The following E2F8 variants were observed in gnomAD, a reference collection of about 807,000 sequenced individuals.
The protein encoded by E2F8 is transcription factor E2F8.
In E2F8, 35 loss-of-function variants were observed where a neutral mutation model predicts 80.8. The ratio of observed to expected loss-of-function variants is 0.43; its 90% CI spans 0.33 to 0.57. The LOEUF (loss-of-function observed/expected upper bound fraction) is 0.57, where lower values mean the gene tolerates loss of function less well. Among genes scored for constraint, E2F8 ranks in the 20% least tolerant of loss-of-function variants. The pLI is 0.04. For synonymous variants in E2F8, 386 were observed against 395.0 expected, an observed-to-expected ratio of 0.98 and a Z score of 0.27; for missense variants, 975 against 1,056.2, an observed-to-expected ratio of 0.92 and a Z score of 1.07.
Position 19,224,669 on chromosome 11 carries a change from C to T in E2F8, c.2593G>A (p.Asp865Asn). Residue 865 changes from aspartate (D) to asparagine (N), a missense_variant, in exon 13 of 13, where the codon GAT becomes AAT. Transcript: ENST00000250024. ...CCAACATCTGTTGATTAATGGACATCCTCTGTTGAGACTTCCAGTTTTCGC... is the reference window on the plus strand; with the variant it reads ...CCAACATCTGTTGATTAATGGACATTCTCTGTTGAGACTTCCAGTTTTCGC... ...PQRKLEVSTEDVH is the reference protein window; with the variant it reads ...PQRKLEVSTENVH 1 of 1,614,058 alleles carries T rather than the reference C, an allele frequency of 6.2e-7. No homozygotes were observed. Among genetic ancestry groups the T allele is most frequent in the South Asian group, 1.1e-5 (1 of 91,066 alleles).
rs1401468659 is a variant in E2F8 at position 19,224,453 on chromosome 11, A to G, written c.*205T>C. Reference sequence around the variant, plus strand: ...TTTTGTAGGATTGAAAGCTAAACTTAGCTTTATACAAATATATGTGTGTGT... The same window carrying G: ...TTTTGTAGGATTGAAAGCTAAACTTGGCTTTATACAAATATATGTGTGTGT... On this transcript the variant is annotated 3_prime_UTR_variant, in exon 13 of 13. Coordinates refer to ENST00000250024, the MANE Select transcript of E2F8 (RefSeq NM_024680.4). 2.2e-5 allele frequency: 10 copies of G among 453,890 alleles called. No individual in the cohort carries two copies. The highest frequency in any genetic ancestry group is 3.9e-5 in the Admixed American group (1 of 25,592). The allele number at this position is 453,890 out of a possible 1,614,324, so 28.1% of individuals were successfully genotyped here.
rs745558360 is a variant in E2F8 at position 19,224,807 on chromosome 11, C to G, written c.2455G>C (p.Val819Leu). Residue 819 changes from valine to leucine, a missense_variant, in exon 13 of 13, where the codon GTG becomes CTG. Transcript: ENST00000250024. ...GGGGTACGGAAGAAACTTTCGGCCA[C>G]TAATTGTGACCCTTTGGGTGTCACA... ...VPVTPKGSQL[V>L]AESFFRTPGG... 3 of 1,614,116 alleles carry G rather than the reference C, an allele frequency of 1.9e-6. No homozygotes were observed. The highest frequency in any genetic ancestry group is 2.5e-6 in the Non-Finnish European group (3 of 1,180,024).
intron 2 of E2F8, among the ~76,000 whole-genome samples, chr11:19,239,492 C>T (rs1851605851): frequency 6.6e-6 from 1 of 152,112 alleles, no homozygotes; most frequent in Non-Finnish European, 1.5e-5. Flanking sequence ...GGACACCCCC[C>T]ACAGACAATT....
intron 4 of E2F8, among the ~76,000 whole-genome samples, chr11:19,236,311 A>G (rs1226758906): frequency 6.6e-6 from 1 of 152,146 alleles, no homozygotes; most frequent in African/African-American, 2.4e-5. Context: ...GCACCTCCCC[A>G]GCACTCCTGA....
chr11:19,231,818 A>G (rs1174553025), intron 7 of E2F8, among the ~76,000 whole-genome samples: 1 of 152,230 alleles, frequency 6.6e-6, no homozygotes, highest in Non-Finnish European at 1.5e-5. Context: ...TGGAGCCAGT[A>G]GCCAAACTTT....
chr11:19,225,982 C>A lies in E2F8; in HGVS notation c.1894-118G>T, dbSNP rs11827602. 4.7e-3 allele frequency: 5,856 copies of A among 1,240,234 alleles called. 161 individuals are homozygous for A. In the African/African-American group the frequency reaches 0.07, roughly 15 times the overall value. 76.8% of individuals were successfully genotyped at this position (1,240,234 alleles called of 1,614,324 possible). On this transcript the variant is annotated intron_variant, in intron 10 of 12. Transcript: ENST00000250024. ...TGCCTCATTGGACCAAAGCCTCCAG[C>A]GGAGTGGGCTGCAGGCAGGCTGGTC...
rs1240127782 is a variant in E2F8, at chr11:19,232,414, A to C, written c.929-43T>G. 4 of 1,537,162 alleles carry C rather than the reference A, an allele frequency of 2.6e-6. No individual in the cohort carries two copies. In the Admixed American group the frequency reaches 7.7e-5, roughly 29 times the overall value. On this transcript the variant is annotated intron_variant, in intron 6 of 12. Coordinates refer to ENST00000250024, the MANE Select transcript of E2F8 (RefSeq NM_024680.4). ...TATACCACTTAATGGAATAATGAAA[A>C]GATCAAAGAATTTTCCTTCAGAAGG...
At chr11:19,238,835 G>A (rs929228775) in intron 2 of E2F8, among the ~76,000 whole-genome samples, 3 of 152,204 alleles carry the variant, frequency 2.0e-5, no homozygotes, top group Non-Finnish European at 4.4e-5. Context: ...TGGTGCAAAA[G>A]TAATTGTGGC....
Position 19,229,703 on chromosome 11 carries a change from G to A in E2F8, c.1644C>T (p.His548=), listed in dbSNP as rs1407633841. 2.5e-6 allele frequency: 4 copies of A among 1,614,246 alleles called. No homozygotes were observed. The highest frequency in any genetic ancestry group is 1.1e-5 in the South Asian group (1 of 91,084). Residue 548 remains histidine, a synonymous_variant, in exon 10 of 13, where the codon CAC becomes CAT. Transcript: ENST00000250024. The surrounding 1 kb of genome is among the most constrained non-coding windows in gnomAD (Gnocchi z 4.3). Reference sequence around the variant, plus strand: ...CTTTTGAGCCAGTAGCTTTAGAAGAGTGGGTGGTGCACACCGTTGGGCTCA... The same window carrying A: ...CTTTTGAGCCAGTAGCTTTAGAAGAATGGGTGGTGCACACCGTTGGGCTCA... ...QGLSPTVCTT[H]SSKATGSKDS...
At chr11:19,225,923 C>T (rs978653292) in intron 10 of E2F8, 59 bp from the exon 11 acceptor site, 25 of 1,569,734 alleles carry the variant, frequency 1.6e-5, no homozygotes, top group South Asian at 2.3e-5. Context: ...AAAATGGCCA[C>T]GTGCCTCTTT....
intron 6 of E2F8, 126 bp from the exon 7 acceptor site, chr11:19,232,497 G>T: frequency 1.4e-6 from 1 of 724,476 alleles, no homozygotes; most frequent in Non-Finnish European, 2.1e-6. Flanking sequence ...AGAAACATCT[G>T]CCTCCTTTTA....
intron 10 of E2F8, among the ~76,000 whole-genome samples, chr11:19,228,423 C>T (rs949105306): frequency 6.6e-6 from 1 of 152,212 alleles, no homozygotes; most frequent in Non-Finnish European, 1.5e-5. Context: ...GCTTATAACA[C>T]GTCTTAAAAG....
chr11:19,231,591 C>T (rs12786261), intron 7 of E2F8, among the ~76,000 whole-genome samples: 31,068 of 152,124 alleles, frequency 0.2, 3,399 homozygotes, highest in Non-Finnish European at 0.23. Flanking sequence ...ATGTCAGCAT[C>T]GCAGAGTTAA....
At chr11:19,228,193 G>A (rs1851284437) in intron 10 of E2F8, among the ~76,000 whole-genome samples, 1 of 152,128 alleles carries the variant, frequency 6.6e-6, no homozygotes, top group African/African-American at 2.4e-5. Flanking sequence ...GTAAGCAACA[G>A]GAGACCATTA....
At chr11:19,232,401 T>G in intron 6 of E2F8, 30 bp from the exon 7 acceptor site, 1 of 1,569,662 alleles carries the variant, frequency 6.4e-7, no homozygotes, top group South Asian at 1.2e-5. Flanking sequence ...TACCACTTAA[T>G]GGAATAATGA....
chr11:19,231,790 T>A (rs1005472796), intron 7 of E2F8, among the ~76,000 whole-genome samples: 2 of 152,228 alleles, frequency 1.3e-5, no homozygotes, highest in African/African-American at 4.8e-5. Flanking sequence ...GAGGTTGTTA[T>A]GGATCTTGGT....
Position 19,234,340 on chromosome 11 carries a change from A to T in E2F8, c.928+20T>A. 3 of 1,610,984 alleles carry T rather than the reference A, an allele frequency of 1.9e-6. No homozygotes were observed. In the South Asian group the frequency reaches 3.3e-5, roughly 18 times the overall value. ...TGTTTAAGAATAGGTTCAAAAATCC[A>T]TGGCAGTCATGACACTTACTTTTAA... On this transcript the variant is annotated intron_variant, in intron 6 of 12. Transcript: ENST00000250024.
chr11:19,224,766 C>T lies in E2F8; in HGVS notation c.2496G>A (p.Lys832=). 1 of 1,614,174 alleles carries T rather than the reference C, an allele frequency of 6.2e-7. No homozygotes were observed. The change falls in exon 13 of 13, where the codon AAG becomes AAA. Residue 832 remains lysine, a synonymous_variant. Coordinates refer to ENST00000250024, the MANE Select transcript of E2F8 (RefSeq NM_024680.4). ...SFFRTPGGPT[K]PTSSSCMDFE... ...AATCCATGCAGGATGAGCTGGTTGG[C>T]TTGGTGGGTCCACCTGGGGTACGGA...
At chr11:19,238,173 A>C in intron 2 of E2F8, 41 bp from the exon 3 acceptor site, 2 of 1,553,092 alleles carry the variant, frequency 1.3e-6, no homozygotes, top group Non-Finnish European at 1.7e-6. Context: ...ATGGTAAAAC[A>C]GGATTTATCA....
Sources: gnomAD v4.1 joint callset for allele counts (sites outside exome capture counted in the v4.1 genomes callset) on GRCh38, gnomAD v4.1.1 for gene constraint, Gnocchi (gnomAD v3.1) non-coding constraint, MANE v1.5 for transcripts, NCBI Gene and HGNC (gene_info 2026-07-23, HGNC 2026-07-21) for gene names.